Variants in SH3GLB1 observed in about 807,000 individuals in gnomAD.
SH3GLB1 encodes the protein SH3 domain containing GRB2 like, endophilin B1.
A neutral mutation model predicts 42.0 loss-of-function variants in SH3GLB1; 17 were observed. The ratio of observed to expected loss-of-function variants is 0.40; its 90% CI spans 0.28 to 0.61. SH3GLB1 has a LOEUF of 0.61. Among genes scored for constraint, SH3GLB1 ranks in the 20% least tolerant of loss-of-function variants. The pLI, the probability that SH3GLB1 is intolerant of heterozygous loss-of-function variation, is 0.36. For synonymous variants in SH3GLB1, 132 were observed against 146.6 expected (o/e 0.90, Z 0.72); for missense variants, 355 against 426.3 (o/e 0.83, Z 1.47).
At chr1:86,719,743 C>G (rs1654753194) in intron 3 of SH3GLB1, 108 bp downstream of exon 3, 2 of 1,130,508 alleles carry the variant, frequency 1.8e-6, no homozygotes, top group East Asian at 5.7e-5. Context: ...CACCTGTAAT[C>G]CCAGCACTTT....
chr1:86,708,908 A>G (rs1654029518), intron 1 of SH3GLB1, among the ~76,000 whole-genome samples: 1 of 152,222 alleles, frequency 6.6e-6, no homozygotes, highest in African/African-American at 2.4e-5. Flanking sequence ...TCATATGGTT[A>G]GACTCCTCTT....
intron 7 of SH3GLB1, among the ~76,000 whole-genome samples, chr1:86,736,772 C>G (rs1655801509): frequency 6.6e-6 from 1 of 152,224 alleles, no homozygotes. Context: ...TAGCTTGTCT[C>G]TCCACCCTCA....
At chr1:86,730,149 AT>A in intron 5 of SH3GLB1, 1 of 1,571,466 alleles carries the variant, frequency 6.4e-7, no homozygotes, top group Non-Finnish European at 8.6e-7. Flanking sequence ...TGAAACAAGA[AT>A]TTAGTTGACG....
chr1:86,733,141 G>A (rs544841744), intron 5 of SH3GLB1, among the ~76,000 whole-genome samples: 15 of 152,216 alleles, frequency 9.9e-5, no homozygotes, highest in African/African-American at 1.2e-4. Flanking sequence ...TCCAGATGAA[G>A]CTTACTTTGT....
In SH3GLB1 at chr1:86,743,335, G is replaced by A. The variant is rs1167319070; in HGVS notation, c.*100G>A. ...AGTATCTTCCATGTTAATGTGTTAA[G>A]AGACTGAAAATACCAGCCATCAGAA... On this transcript the variant is annotated 3_prime_UTR_variant, in exon 9 of 9. Coordinates refer to ENST00000370558, the MANE Select transcript of SH3GLB1 (RefSeq NM_016009.5). 4.4e-6 allele frequency: 3 copies of A among 675,778 alleles called. No homozygotes were observed. The highest frequency in any genetic ancestry group is 1.8e-5 in the African/African-American group (1 of 54,342). 41.9% of individuals were successfully genotyped at this position (675,778 alleles called of 1,614,324 possible).
chr1:86,723,437 C>T (rs1442617260), intron 4 of SH3GLB1, among the ~76,000 whole-genome samples: 1 of 152,040 alleles, frequency 6.6e-6, no homozygotes, highest in East Asian at 1.9e-4. Context: ...TTGCTTGAAC[C>T]CTGGAGGCGG....
chr1:86,707,368 G>T (rs1021050412), intron 1 of SH3GLB1, among the ~76,000 whole-genome samples: 1 of 152,170 alleles, frequency 6.6e-6, no homozygotes, highest in Non-Finnish European at 1.5e-5. Flanking sequence ...CAATGAAGGA[G>T]CTGTGGCCAT....
chr1:86,726,489 G>T lies in SH3GLB1; in HGVS notation c.570+2084G>T, dbSNP rs1195620083. ...TCTGCTGCGTATTTTTGAGGATAAA[G>T]GTTTTTTTTCTATGGGAATTTATGT... is the stretch of plus-strand genomic sequence containing the variant. On this transcript the variant is annotated intron_variant, in intron 5 of 8. Transcript: ENST00000370558. Among the ~76,000 whole-genome samples the T allele has an allele frequency of 3.3e-5, 5 of 151,298 alleles. No individual in the cohort carries two copies. The East Asian group carries it at 9.6e-4, about 29-fold the overall frequency.
intron 5 of SH3GLB1, among the ~76,000 whole-genome samples, chr1:86,732,227 A>G (rs1161609828): frequency 6.6e-6 from 1 of 152,228 alleles, no homozygotes; most frequent in African/African-American, 2.4e-5. Flanking sequence ...CCCAATCTTG[A>G]TATCGTGGGC....
chr1:86,730,686 C>T (rs1024102209), intron 5 of SH3GLB1, among the ~76,000 whole-genome samples: 9 of 151,958 alleles, frequency 5.9e-5, no homozygotes, highest in Middle Eastern at 3.4e-3. Context: ...TGTTTAGTAG[C>T]GGCAGTTTTT....
At chr1:86,742,517 A>T in intron 8 of SH3GLB1, 81 bp downstream of exon 8, 1 of 1,013,516 alleles carries the variant, frequency 9.9e-7, no homozygotes, top group South Asian at 1.6e-5. Flanking sequence ...CAAATTCCTC[A>T]TTAGTTATTT....
intron 7 of SH3GLB1, among the ~76,000 whole-genome samples, chr1:86,736,686 G>T (rs910030497): frequency 6.6e-6 from 1 of 151,646 alleles, no homozygotes; most frequent in Non-Finnish European, 1.5e-5. Context: ...TCCAGTTGTT[G>T]CGTTATTACT....
chr1:86,734,580 TA>T (rs775412044), intron 5 of SH3GLB1, 21 bp from the exon 6 acceptor site: 2 of 1,563,720 alleles, frequency 1.3e-6, no homozygotes, highest in Non-Finnish European at 1.8e-6. Context: ...AAAGAGATTC[TA>T]AAACTATATT....
rs1425151497 is a variant in SH3GLB1, at chr1:86,745,903, A to C, written c.*2668A>C. Reference sequence around the variant, plus strand: ...AAGTATAGTGACATGTGAAGGATGCACATATGAATGAAAAACTAAAATAAT... The same window carrying C: ...AAGTATAGTGACATGTGAAGGATGCCCATATGAATGAAAAACTAAAATAAT... On this transcript the variant is annotated 3_prime_UTR_variant, in exon 9 of 9. Coordinates refer to ENST00000370558, the MANE Select transcript of SH3GLB1 (RefSeq NM_016009.5). The C allele has an allele frequency of 2.0e-5, 3 of 152,634 alleles. No individual in the cohort carries two copies. The highest frequency in any genetic ancestry group is 7.2e-5 in the African/African-American group (3 of 41,448). The allele number at this position is 152,634 out of a possible 1,614,324, so 9.5% of individuals were successfully genotyped here. A position where few individuals can be genotyped will look rare whatever the true frequency, so the allele number is the denominator to read the frequency against.
At position 86,746,782 on chromosome 1, in the gene SH3GLB1, C is replaced by G. The variant is rs1056974257; in HGVS notation, c.*3547C>G. The G allele has an allele frequency of 3.3e-5, 5 of 152,264 alleles. No individual in the cohort carries two copies. Among genetic ancestry groups the G allele is most frequent in the Non-Finnish European group, 5.9e-5 (4 of 68,136 alleles). The allele number at this position is 152,264 out of a possible 1,614,324, so 9.4% of individuals were successfully genotyped here. On this transcript the variant is annotated 3_prime_UTR_variant, in exon 9 of 9. Transcript: ENST00000370558. Reference sequence around the variant, plus strand: ...ACTCGGGAGGCTGAGGCAGGAGAATCACTTGAACCCCAGAGGCAGAGGCTA... The same window carrying G: ...ACTCGGGAGGCTGAGGCAGGAGAATGACTTGAACCCCAGAGGCAGAGGCTA...
intron 1 of SH3GLB1, among the ~76,000 whole-genome samples, chr1:86,710,980 A>G (rs959507845): frequency 5.3e-5 from 8 of 152,216 alleles, no homozygotes; most frequent in African/African-American, 1.9e-4. Flanking sequence ...TTAAATTAGA[A>G]TCTTAGGGGT....
intron 7 of SH3GLB1, 80 bp from the exon 8 acceptor site, chr1:86,742,128 G>C: frequency 1.0e-6 from 1 of 976,478 alleles, no homozygotes; most frequent in Non-Finnish European, 1.6e-6. Flanking sequence ...TTGGTAGAAA[G>C]TAAACAGCGC....
intron 6 of SH3GLB1, 62 bp from the exon 7 acceptor site, chr1:86,735,017 C>G (rs1461070171): frequency 1.6e-6 from 2 of 1,214,122 alleles, no homozygotes; most frequent in Non-Finnish European, 2.4e-6. Flanking sequence ...TCTGTCTCCC[C>G]CTTGCATTTG....
In SH3GLB1 at chr1:86,730,479, G is replaced by A. The variant is rs915538782; in HGVS notation, c.571-4123G>A. ...CATGTCCTGTATCTTCAGAGAATGGGATATATAATATTTCGCACAAATGAA... is the reference window on the plus strand; with the variant it reads ...CATGTCCTGTATCTTCAGAGAATGGAATATATAATATTTCGCACAAATGAA... On this transcript the variant is annotated intron_variant, in intron 5 of 8. Transcript: ENST00000370558. 7.6e-6 allele frequency: 5 copies of A among 660,330 alleles called. No homozygotes were observed. The African/African-American group carries it at 9.9e-5, about 13-fold the overall frequency. 40.9% of individuals were successfully genotyped at this position (660,330 alleles called of 1,614,324 possible).
Sources: gnomAD v4.1 joint callset for allele counts (sites outside exome capture counted in the v4.1 genomes callset) on GRCh38, gnomAD v4.1.1 for gene constraint, MANE v1.5 for transcripts, NCBI Gene and HGNC (gene_info 2026-07-23, HGNC 2026-07-21) for gene names.